The following PARD3B variants were observed in gnomAD, a reference collection of about 807,000 sequenced individuals.
PARD3B encodes par-3 family cell polarity regulator beta, also known as partitioning defective 3 homolog B.
Under a neutral mutation model 130.2 loss-of-function variants are expected in PARD3B, and 103 were observed. The observed-to-expected ratio is 0.79, with a 90% confidence interval of 0.67 to 0.93. PARD3B has a LOEUF of 0.93. Among genes scored for constraint, PARD3B ranks in the 40% least tolerant of loss-of-function variants. PARD3B has a pLI of 0.00. For synonymous variants in PARD3B, 583 were observed against 553.2 expected, an observed-to-expected ratio of 1.05 and a Z score of -0.76; for missense variants, 1,609 against 1,499.2, an observed-to-expected ratio of 1.07 and a Z score of -1.21.
intron 2 of PARD3B, among the ~76,000 whole-genome samples, chr2:204,706,069 T>C (rs1157516224): frequency 6.6e-6 from 1 of 152,196 alleles, no homozygotes; most frequent in Non-Finnish European, 1.5e-5. Context: ...AGTGTAGTTT[T>C]GCATGTCTTT....
rs1363221737 is a variant in PARD3B, at chr2:205,057,539, GTATATGTGTATA to G, written c.504+9851_504+9862del. 5.6e-5 allele frequency among the ~76,000 whole-genome samples: 8 copies of G among 143,786 alleles called. 1 individual carries two copies. The highest frequency in any genetic ancestry group is 1.4e-4 in the Admixed American group (2 of 14,026). The allele number at this position is 143,786 out of a possible 152,430, so 94.3% of individuals were successfully genotyped here. A position where few individuals can be genotyped will look rare whatever the true frequency, so the allele number is the denominator to read the frequency against. On this transcript the variant is annotated intron_variant, in intron 4 of 22. Coordinates refer to ENST00000406610, the MANE Select transcript of PARD3B (RefSeq NM_001302769.2). ...TGTGCATGTGTATATATACATATAT[GTATATGTGTATA>G]TGTATATATACATATATGTATATGT...
chr2:204,558,084 G>A (rs374091726), intron 1 of PARD3B: 7 of 152,082 alleles, frequency 4.6e-5, no homozygotes, highest in East Asian at 1.9e-4. Context: ...CTGAACTCTC[G>A]TTTTTTGGAT....
At chr2:205,286,330 G>A (rs1342381554) in intron 16 of PARD3B, among the ~76,000 whole-genome samples, 1 of 151,976 alleles carries the variant, frequency 6.6e-6, no homozygotes, top group African/African-American at 2.4e-5. Context: ...GAATGTGCCT[G>A]GTACAGAGAT....
In PARD3B at chr2:205,230,657, AC is replaced by A. The variant is rs1375518107; in HGVS notation, c.2141-15115del. ...CCAACGGCTGTCTCACTAGGTTATTACCCCCCAAGTCCACTTACTCCAAGCC... is the reference window on the plus strand; with the variant it reads ...CCAACGGCTGTCTCACTAGGTTATTACCCCCAAGTCCACTTACTCCAAGCC... On this transcript the variant is annotated intron_variant, in intron 15 of 22. Transcript: ENST00000406610. The surrounding 1 kb of genome is among the most constrained non-coding windows in gnomAD (Gnocchi z 4.1). Among the ~76,000 whole-genome samples the A allele has an allele frequency of 3.3e-5, 5 of 151,482 alleles. No individual in the cohort carries two copies. The highest frequency in any genetic ancestry group is 7.4e-5 in the Non-Finnish European group (5 of 67,908).
At chr2:205,534,168 G>A (rs1232568629) in intron 21 of PARD3B, among the ~76,000 whole-genome samples, 1 of 152,054 alleles carries the variant, frequency 6.6e-6, no homozygotes, top group African/African-American at 2.4e-5. Context: ...CAAGGGACTG[G>A]TCCTGGTGCT....
intron 21 of PARD3B, among the ~76,000 whole-genome samples, chr2:205,512,679 A>G (rs1240259651): frequency 6.6e-6 from 1 of 152,186 alleles, no homozygotes. Context: ...AAGGAAAGAA[A>G]ACTTGTTTGG....
intron 3 of PARD3B, among the ~76,000 whole-genome samples, chr2:204,972,396 C>A (rs1691789224): frequency 6.6e-6 from 1 of 152,044 alleles, no homozygotes; most frequent in African/African-American, 2.4e-5. Flanking sequence ...ATAAAAATTA[C>A]CACCATCCTA....
At chr2:205,057,879 A>T (rs963580173) in intron 4 of PARD3B, among the ~76,000 whole-genome samples, 3 of 65,300 alleles carry the variant, frequency 4.6e-5, no homozygotes, top group Admixed American at 1.3e-4. Context: ...ATGGCTTTTT[A>T]AAAAAAAGAC....
chr2:205,289,917 T>A (rs1440799895), intron 16 of PARD3B, among the ~76,000 whole-genome samples: 1 of 152,166 alleles, frequency 6.6e-6, no homozygotes, highest in African/African-American at 2.4e-5. Context: ...CCCTAAACCT[T>A]GGCCTCCCCA....
chr2:204,833,765 C>T (rs951641150), intron 2 of PARD3B, among the ~76,000 whole-genome samples: 4 of 152,116 alleles, frequency 2.6e-5, no homozygotes, highest in Non-Finnish European at 4.4e-5. Context: ...ATCTCTTTTT[C>T]TTTATAAACA....
intron 22 of PARD3B, among the ~76,000 whole-genome samples, chr2:205,598,070 A>G (rs2054634945): frequency 6.6e-6 from 1 of 152,166 alleles, no homozygotes; most frequent in Non-Finnish European, 1.5e-5. Context: ...CCACATAACA[A>G]TTAGCTAACG....
At chr2:204,903,668 G>T (rs969965839) in intron 2 of PARD3B, among the ~76,000 whole-genome samples, 1 of 152,078 alleles carries the variant, frequency 6.6e-6, no homozygotes, top group Non-Finnish European at 1.5e-5. Context: ...ATAAAATGAA[G>T]AATTAATATG....
At position 205,142,881 on chromosome 2, in the gene PARD3B, A is replaced by AAAATAAATAAATAAATAAAT. The variant is rs139843896; in HGVS notation, c.1435-15830_1435-15811dup. ...TGACAGGATGAGACTTCGGTCTCAA[A>AAAATAAATAAATAAATAAAT]AAATAAATAAATAAATAAATAAATA... On this transcript the variant is annotated intron_variant, in intron 10 of 22. Coordinates refer to ENST00000406610, the MANE Select transcript of PARD3B (RefSeq NM_001302769.2). The surrounding 1 kb of genome is among the most constrained non-coding windows in gnomAD (Gnocchi z 4.3). Among the ~76,000 whole-genome samples the AAAATAAATAAATAAATAAAT allele has an allele frequency of 4.9e-3, 716 of 146,732 alleles. 8 individuals are homozygous for AAAATAAATAAATAAATAAAT. Among genetic ancestry groups the AAAATAAATAAATAAATAAAT allele is most frequent in the Non-Finnish European group, 6.6e-3 (441 of 66,922 alleles).
intron 3 of PARD3B, among the ~76,000 whole-genome samples, chr2:205,044,150 G>A (rs1169730492): frequency 1.3e-5 from 2 of 151,878 alleles, no homozygotes; most frequent in African/African-American, 4.8e-5. Context: ...CATTTTTATG[G>A]CTGCATAGTA....
At chr2:204,608,869 T>C (rs2193450) in intron 1 of PARD3B, among the ~76,000 whole-genome samples, 94,935 of 152,076 alleles carry the variant, frequency 0.62, 33,302 homozygotes, top group Non-Finnish European at 0.78. Flanking sequence ...GTGTTGTGGG[T>C]GAGAGAGAAC....
intron 21 of PARD3B, among the ~76,000 whole-genome samples, chr2:205,503,000 CCTCCCCTCTCCCCT>C (rs771235488): frequency 3.6e-4 from 54 of 149,080 alleles, no homozygotes; most frequent in East Asian, 8.1e-4. Flanking sequence ...TCCCTTATCC[CCTCCCCTCTCCCCT>C]CTCCCCTCTC....
chr2:204,819,480 C>A (rs575520524), intron 2 of PARD3B, among the ~76,000 whole-genome samples: 1 of 152,278 alleles, frequency 6.6e-6, no homozygotes, highest in East Asian at 1.9e-4. Flanking sequence ...CTCCTTAGGC[C>A]TCTCTCTTCC....
intron 15 of PARD3B, among the ~76,000 whole-genome samples, chr2:205,226,360 T>C (rs1005197430): frequency 4.6e-5 from 7 of 152,166 alleles, no homozygotes; most frequent in Non-Finnish European, 8.8e-5. Flanking sequence ...TTTAATTTGA[T>C]GTGATCCCAT....
intron 5 of PARD3B, 50 bp downstream of exon 5, chr2:205,104,564 GTTTTT>G (rs1559441712): frequency 1.6e-6 from 2 of 1,245,588 alleles, no homozygotes; most frequent in Non-Finnish European, 2.3e-6. Context: ...AATTTGATGT[GTTTTT>G]TAATAGTTTA....
Sources: allele counts gnomAD v4.1 joint callset (sites outside exome capture counted in the v4.1 genomes callset), GRCh38; gene constraint gnomAD v4.1.1; non-coding constraint Gnocchi (gnomAD v3.1); transcripts MANE v1.5; gene names NCBI Gene and HGNC (gene_info 2026-07-23, HGNC 2026-07-21).